VCPIP1: variants seen among roughly 807,000 people sequenced by gnomAD.
The protein encoded by VCPIP1 is valosin containing protein interacting protein 1, also known as deubiquitinating protein VCPIP1.
In VCPIP1, 8 loss-of-function variants were observed where a neutral mutation model predicts 85.0. The observed-to-expected ratio is 0.09, with a 90% confidence interval of 0.06 to 0.17. The LOEUF (loss-of-function observed/expected upper bound fraction) is 0.17, where lower values mean the gene tolerates loss of function less well. Ranked by LOEUF, VCPIP1 falls within the 10% of genes least tolerant of loss-of-function variation. The pLI, the probability that VCPIP1 is intolerant of heterozygous loss-of-function variation, is 1.00. For synonymous variants in VCPIP1, 543 were observed against 544.5 expected (o/e 1.00, Z 0.04); for missense variants, 1,070 against 1,486.3 (o/e 0.72, Z 4.61).
At chr8:66,640,762 G>C (rs1285490728) in intron 2 of VCPIP1, among the ~76,000 whole-genome samples, 3 of 152,046 alleles carry the variant, frequency 2.0e-5, no homozygotes, top group Non-Finnish European at 4.4e-5. Flanking sequence ...AACTCCAGGG[G>C]AAGACCACCT....
At chr8:66,652,594 C>T (rs956518951) in intron 1 of VCPIP1, among the ~76,000 whole-genome samples, 1 of 145,450 alleles carries the variant, frequency 6.9e-6, no homozygotes, top group African/African-American at 2.6e-5. Context: ...GCCTGTGCTA[C>T]AAGAGCAAAA....
At chr8:66,639,601 T>C (rs1372320524) in intron 2 of VCPIP1, among the ~76,000 whole-genome samples, 1 of 152,080 alleles carries the variant, frequency 6.6e-6, no homozygotes, top group Non-Finnish European at 1.5e-5. Flanking sequence ...ACTGGGATTA[T>C]AGGCATGGAC....
intron 2 of VCPIP1, among the ~76,000 whole-genome samples, chr8:66,647,466 T>C (rs967290705): frequency 1.2e-4 from 18 of 151,858 alleles, no homozygotes; most frequent in Non-Finnish European, 2.4e-4. Flanking sequence ...GATGGAGGAC[T>C]CACACTGATT....
chr8:66,638,273 T>C (rs751381282), intron 2 of VCPIP1, among the ~76,000 whole-genome samples: 12 of 151,152 alleles, frequency 7.9e-5, no homozygotes, highest in Admixed American at 7.2e-4. Flanking sequence ...AATTGACTAC[T>C]TGAGCCTAAG....
Position 66,651,442 on chromosome 8 carries a change from A to G in VCPIP1, c.2797+16T>C, listed in dbSNP as rs766926485. 60 of 1,579,342 alleles carry G rather than the reference A, an allele frequency of 3.8e-5. No homozygotes were observed. The highest frequency in any genetic ancestry group is 5.0e-5 in the Non-Finnish European group (58 of 1,161,600). ...AGTAGAGCTATTATTTAAGAATAAAATCAAATTAACTATACCCATGGTTTT... is the reference window on the plus strand; with the variant it reads ...AGTAGAGCTATTATTTAAGAATAAAGTCAAATTAACTATACCCATGGTTTT... On this transcript the variant is annotated intron_variant, in intron 2 of 2. Transcript: ENST00000310421.
At chr8:66,663,714 G>C (rs564425813) in intron 1 of VCPIP1, among the ~76,000 whole-genome samples, 23 of 152,090 alleles carry the variant, frequency 1.5e-4, no homozygotes, top group Non-Finnish European at 2.8e-4. Context: ...ACAAATCCTA[G>C]TGTACTTACA....
chr8:66,664,134 T>C, intron 1 of VCPIP1, 115 bp downstream of exon 1: 1 of 1,276,466 alleles, frequency 7.8e-7, no homozygotes, highest in Non-Finnish European at 1.0e-6. Context: ...TCTCCTGAAA[T>C]ATATAATTAA....
At chr8:66,651,421 G>T in intron 2 of VCPIP1, 37 bp downstream of exon 2, 2 of 1,446,840 alleles carry the variant, frequency 1.4e-6, no homozygotes, top group Non-Finnish European at 1.9e-6. Flanking sequence ...AGCTTCAGTA[G>T]AGCTATTATT....
chr8:66,663,976 G>A (rs887574841), intron 1 of VCPIP1, among the ~76,000 whole-genome samples: 7 of 152,084 alleles, frequency 4.6e-5, no homozygotes, highest in African/African-American at 1.7e-4. Context: ...ATACAAGTCT[G>A]TTTTTTAAAA....
intron 1 of VCPIP1, among the ~76,000 whole-genome samples, chr8:66,659,705 T>C (rs1586629286): frequency 6.6e-6 from 1 of 151,968 alleles, no homozygotes; most frequent in Non-Finnish European, 1.5e-5. Flanking sequence ...GCCGAGGCGG[T>C]GGATTGTCTG....
Position 66,665,205 on chromosome 8 carries a change from T to C in VCPIP1, c.1754A>G (p.Tyr585Cys), listed in dbSNP as rs1481100670. 1.2e-6 allele frequency: 2 copies of C among 1,613,914 alleles called. No homozygotes were observed. Among genetic ancestry groups the C allele is most frequent in the Admixed American group, 1.7e-5 (1 of 59,980 alleles). The change falls in exon 1 of 3, where the codon TAT (tyrosine) becomes TGT (cysteine). Residue 585 changes from tyrosine to cysteine, a missense_variant. By Grantham distance (194) the Tyr-to-Cys change is radical (BLOSUM62 -2). This residue lies in a region of VCPIP1 where 123 missense variants were observed against 156.3 expected (regional missense o/e 0.79). Transcript: ENST00000310421. This position sits in a 1 kb window ranked among gnomAD's most constrained non-coding sequence, Gnocchi z 4.3. ...AGGGAAAGCTTCTGGTAGATTGTCA[T>C]ACTCCTTACCATCCCAAAAGTGTTT... Reference protein sequence around the residue: ...GFKHFWDGKEYDNLPEAFPIT... With the variant: ...GFKHFWDGKECDNLPEAFPIT...
rs2130188738 is a variant in VCPIP1, at chr8:66,666,485, G to A, written c.474C>T (p.Phe158=). The A allele has an allele frequency of 1.2e-6, 2 of 1,614,158 alleles. No homozygotes were observed. The highest frequency in any genetic ancestry group is 2.2e-5 in the East Asian group (1 of 44,874). Residue 158 remains phenylalanine (F), a synonymous_variant, in exon 1 of 3, where the codon TTC becomes TTT. Coordinates refer to ENST00000310421, the MANE Select transcript of VCPIP1 (RefSeq NM_025054.5). The surrounding 1 kb of genome is among the most constrained non-coding windows in gnomAD (Gnocchi z 6.3). The part of the protein sequence containing the change: ...LLRDMNQGEL[F]DCALLGDRAF... ...CGCGGTCACCCAGTAAGGCGCAATCGAACAGTTCGCCCTGGTTCATGTCCC... is the reference window on the plus strand; with the variant it reads ...CGCGGTCACCCAGTAAGGCGCAATCAAACAGTTCGCCCTGGTTCATGTCCC...
chr8:66,646,604 T>A (rs181356229), intron 2 of VCPIP1, among the ~76,000 whole-genome samples: 1 of 152,042 alleles, frequency 6.6e-6, no homozygotes, highest in Admixed American at 6.6e-5. Flanking sequence ...GAGATCAGCC[T>A]GACCAACATA....
intron 2 of VCPIP1, among the ~76,000 whole-genome samples, chr8:66,636,398 A>T (rs2130144301): frequency 6.6e-6 from 1 of 152,232 alleles, no homozygotes; most frequent in South Asian, 2.1e-4. Flanking sequence ...TTCAACAAGA[A>T]ATAAGTAAAT....
chr8:66,638,310 A>G (rs2130147776), intron 2 of VCPIP1, among the ~76,000 whole-genome samples: 1 of 151,548 alleles, frequency 6.6e-6, no homozygotes, highest in South Asian at 2.1e-4. Context: ...ACCTAAGGAG[A>G]CCTCACCTCT....
At chr8:66,637,993 TC>T (rs1284281144) in intron 2 of VCPIP1, among the ~76,000 whole-genome samples, 3 of 152,102 alleles carry the variant, frequency 2.0e-5, no homozygotes, top group Non-Finnish European at 4.4e-5. Context: ...AAACAAAAAT[TC>T]CATTACTTAT....
chr8:66,630,100 T>G lies in VCPIP1; in HGVS notation c.*4401A>C, dbSNP rs991234300. The G allele has an allele frequency of 6.6e-6, 1 of 152,194 alleles. No individual in the cohort carries two copies. Among genetic ancestry groups the G allele is most frequent in the African/African-American group, 2.4e-5 (1 of 41,444 alleles). 9.4% of individuals were successfully genotyped at this position (152,194 alleles called of 1,614,324 possible). A position where few individuals can be genotyped will look rare whatever the true frequency, so the allele number is the denominator to read the frequency against. ...TCAGGGGAAAATCAGTATTAACTTATAGTTTTATTATTGATATAAAAGAAA... is the reference window on the plus strand; with the variant it reads ...TCAGGGGAAAATCAGTATTAACTTAGAGTTTTATTATTGATATAAAAGAAA... On this transcript the variant is annotated 3_prime_UTR_variant, in exon 3 of 3. Coordinates refer to ENST00000310421, the MANE Select transcript of VCPIP1 (RefSeq NM_025054.5).
At chr8:66,648,931 AG>A (rs1306715594) in intron 2 of VCPIP1, among the ~76,000 whole-genome samples, 2 of 152,036 alleles carry the variant, frequency 1.3e-5, no homozygotes, top group African/African-American at 4.8e-5. Context: ...AGGCCGATGC[AG>A]GAAGATCACC....
chr8:66,641,170 G>A (rs1253943641), intron 2 of VCPIP1, among the ~76,000 whole-genome samples: 1 of 152,130 alleles, frequency 6.6e-6, no homozygotes, highest in African/African-American at 2.4e-5. Flanking sequence ...GAGAGCTGCG[G>A]GCTAAGTAAG....
Sources: allele counts gnomAD v4.1 joint callset (sites outside exome capture counted in the v4.1 genomes callset), GRCh38; gene constraint gnomAD v4.1.1; regional missense constraint gnomAD v4.1.1; non-coding constraint Gnocchi (gnomAD v3.1); transcripts MANE v1.5; gene names NCBI Gene and HGNC (gene_info 2026-07-23, HGNC 2026-07-21).